The following TENM2 variants were observed in gnomAD, a reference collection of about 807,000 sequenced individuals.
TENM2 encodes teneurin transmembrane protein 2, also known as teneurin-2.
Under a neutral mutation model 245.2 loss-of-function variants are expected in TENM2, and 52 were observed. The ratio of observed to expected loss-of-function variants is 0.21; its 90% CI spans 0.17 to 0.27. The LOEUF (loss-of-function observed/expected upper bound fraction) is 0.27. Among genes scored for constraint, TENM2 ranks in the 10% least tolerant of loss-of-function variants. The pLI is 1.00. For missense variants in TENM2, 3,046 were observed against 3,666.8 expected (o/e 0.83, Z 4.37); for synonymous variants, 1,363 against 1,438.9 (o/e 0.95, Z 1.19).
At chr5:168,058,038 C>A (rs1212439609) in intron 6 of TENM2, among the ~76,000 whole-genome samples, 1 of 152,190 alleles carries the variant, frequency 6.6e-6, no homozygotes, top group Admixed American at 6.5e-5. Context: ...CCCAGCCAAG[C>A]ACAAGCTCAC....
the TENM2 span, among the ~76,000 whole-genome samples, chr5:167,185,479 T>C: frequency 6.6e-6 from 1 of 152,196 alleles, no homozygotes; most frequent in Non-Finnish European, 1.5e-5. Flanking sequence ...GAGGCTTTTA[T>C]ATGTTTCAAC....
intron 3 of TENM2, among the ~76,000 whole-genome samples, chr5:167,938,369 T>C (rs74871305): frequency 6.6e-6 from 1 of 152,214 alleles, no homozygotes; most frequent in Non-Finnish European, 1.5e-5. Flanking sequence ...AATATGCCTC[T>C]GTGAAACACT....
At chr5:168,171,584 T>A (rs1758831667) in intron 13 of TENM2, among the ~76,000 whole-genome samples, 1 of 152,174 alleles carries the variant, frequency 6.6e-6, no homozygotes, top group African/African-American at 2.4e-5. Flanking sequence ...GTGTTCTTTT[T>A]TAAAAAAAGG....
intron 2 of TENM2, among the ~76,000 whole-genome samples, chr5:167,681,104 C>T (rs1756675403): frequency 6.6e-6 from 1 of 152,176 alleles, no homozygotes; most frequent in Admixed American, 6.6e-5. Context: ...AATTTTTACT[C>T]TATAATTATA....
chr5:168,252,673 G>A (rs1023420121), intron 27 of TENM2, among the ~76,000 whole-genome samples: 2 of 151,138 alleles, frequency 1.3e-5, no homozygotes, highest in African/African-American at 2.4e-5. Context: ...GTGAAACCCC[G>A]TCTCTACTAA....
the TENM2 span, among the ~76,000 whole-genome samples, chr5:167,206,946 G>A: frequency 2.0e-5 from 3 of 151,966 alleles, no homozygotes; most frequent in African/African-American, 7.2e-5. Context: ...GTAAGGAAGA[G>A]CACTACCATC....
chr5:167,924,624 T>C (rs542444461), intron 3 of TENM2, among the ~76,000 whole-genome samples: 19 of 152,166 alleles, frequency 1.2e-4, no homozygotes, highest in Admixed American at 3.3e-4. Flanking sequence ...TGAAACTTAT[T>C]TCCCAGCACC....
At chr5:167,064,384 C>T in the TENM2 span, among the ~76,000 whole-genome samples, 20 of 152,196 alleles carry the variant, frequency 1.3e-4, no homozygotes, top group Admixed American at 1.2e-3. Context: ...GTAAGCATAT[C>T]ATTATGCGTG....
chr5:167,124,090 G>T, the TENM2 span, among the ~76,000 whole-genome samples: 1 of 152,196 alleles, frequency 6.6e-6, no homozygotes, highest in African/African-American at 2.4e-5. Context: ...CTGTCATTGC[G>T]TTCAAGTGAG....
At chr5:167,920,331 A>T (rs1316639717) in intron 3 of TENM2, among the ~76,000 whole-genome samples, 3 of 120,840 alleles carry the variant, frequency 2.5e-5, no homozygotes, top group East Asian at 2.5e-4. Context: ...GTCTCTACTT[A>T]AAAAAAAAAG....
exon 1 of TENM2, chr5:167,284,900 C>T (rs1463806206): frequency 6.4e-7 from 1 of 1,551,714 alleles, no homozygotes; most frequent in Non-Finnish European, 8.7e-7. Flanking sequence ...AAGAGTGTCG[C>T]TACACAAGCT....
At chr5:167,213,001 A>G in the TENM2 span, among the ~76,000 whole-genome samples, 1 of 152,238 alleles carries the variant, frequency 6.6e-6, no homozygotes, top group Non-Finnish European at 1.5e-5. Flanking sequence ...AATTTGAAAC[A>G]ATATGATTTC....
At chr5:167,334,296 C>A (rs1757632117) in intron 1 of TENM2, among the ~76,000 whole-genome samples, 1 of 152,146 alleles carries the variant, frequency 6.6e-6, no homozygotes, top group African/African-American at 2.4e-5. Flanking sequence ...AAAAACTGAC[C>A]TTTAGCAGAT....
chr5:167,911,868 T>A (rs970208589), intron 3 of TENM2, among the ~76,000 whole-genome samples: 1 of 152,142 alleles, frequency 6.6e-6, no homozygotes, highest in African/African-American at 2.4e-5. Context: ...GCTTCCTTTT[T>A]TAATTAACAA....
the TENM2 span, among the ~76,000 whole-genome samples, chr5:167,023,073 C>A: frequency 6.6e-6 from 1 of 152,142 alleles, no homozygotes; most frequent in South Asian, 2.1e-4. Flanking sequence ...TACCCACTGA[C>A]CCTCTTAAAT....
At chr5:167,217,227 A>G in the TENM2 span, among the ~76,000 whole-genome samples, 47 of 152,288 alleles carry the variant, frequency 3.1e-4, 1 homozygote, top group South Asian at 9.8e-3. Flanking sequence ...GTGTGTGCAG[A>G]AAAGTAAGTG....
intron 2 of TENM2, among the ~76,000 whole-genome samples, chr5:167,437,620 C>A (rs2127454216): frequency 6.6e-6 from 1 of 152,126 alleles, no homozygotes. Context: ...GTGTCCCCAC[C>A]CAAATCTCAT....
chr5:167,989,298 G>GAGAGAGAA (rs772430462), intron 4 of TENM2, among the ~76,000 whole-genome samples: 22 of 147,768 alleles, frequency 1.5e-4, no homozygotes, highest in African/African-American at 4.1e-4. Context: ...GAGAGAGAGA[G>GAGAGAGAA]AGATAGATAG....
At chr5:167,992,657 C>G (rs1783756016) in intron 4 of TENM2, among the ~76,000 whole-genome samples, 1 of 152,178 alleles carries the variant, frequency 6.6e-6, no homozygotes, top group African/African-American at 2.4e-5. Flanking sequence ...ACCTCATCAT[C>G]TCTGAGGAGG....
Sources: allele counts gnomAD v4.1 joint callset (sites outside exome capture counted in the v4.1 genomes callset), GRCh38; gene constraint gnomAD v4.1.1; transcripts MANE v1.5; gene names NCBI Gene and HGNC (gene_info 2026-07-23, HGNC 2026-07-21).